SCHIP1: variants seen among roughly 807,000 people sequenced by gnomAD.
SCHIP1 encodes the protein schwannomin interacting protein 1, also known as schwannomin-interacting protein 1.
A neutral mutation model predicts 29.7 loss-of-function variants in SCHIP1; 8 were observed. The observed-to-expected ratio is 0.27, with a 90% confidence interval of 0.16 to 0.49. The LOEUF is 0.49. SCHIP1 is among the 20% of genes least tolerant of loss of function. The probability of loss-of-function intolerance (pLI) is 0.99; values close to 1 mark genes in which losing one functional copy is unlikely to be tolerated. For missense variants in SCHIP1, 193 were observed against 294.6 expected (o/e 0.66, Z 2.52); for synonymous variants, 76 against 94.9 (o/e 0.80, Z 1.16).
chr3:159,500,574 T>C, the SCHIP1 span, among the ~76,000 whole-genome samples: 1 of 151,730 alleles, frequency 6.6e-6, no homozygotes, highest in Non-Finnish European at 1.5e-5. Flanking sequence ...ATTAGCTGGG[T>C]GTGGTGGCGG....
At chr3:159,805,808 C>CTT in the SCHIP1 span, among the ~76,000 whole-genome samples, 312 of 139,162 alleles carry the variant, frequency 2.2e-3, 3 homozygotes, top group African/African-American at 6.9e-3. Context: ...AATTGTACTC[C>CTT]TTTTTTTTTT....
At chr3:159,505,866 T>G in the SCHIP1 span, among the ~76,000 whole-genome samples, 347 of 152,362 alleles carry the variant, frequency 2.3e-3, no homozygotes, top group Non-Finnish European at 3.5e-3. Context: ...TAATCCAGTC[T>G]ATCATTGTTG....
At chr3:159,597,344 A>C in the SCHIP1 span, among the ~76,000 whole-genome samples, 1 of 152,152 alleles carries the variant, frequency 6.6e-6, no homozygotes, top group Non-Finnish European at 1.5e-5. Flanking sequence ...TTTGTTAAGT[A>C]TAGTCACCCT....
At chr3:159,626,179 TCTAGATAG>T in the SCHIP1 span, among the ~76,000 whole-genome samples, 1,472 of 106,888 alleles carry the variant, frequency 0.014, 142 homozygotes, top group African/African-American at 0.068. Flanking sequence ...TATCTATCTA[TCTAGATAG>T]ATAGATAGAT....
chr3:159,862,380 C>T (rs114970515), intron 1 of SCHIP1, among the ~76,000 whole-genome samples: 1,597 of 152,304 alleles, frequency 0.01, 16 homozygotes, highest in Middle Eastern at 0.054. Flanking sequence ...CCCTCAGTTT[C>T]CTCATATTCA....
chr3:159,323,761 C>A, the SCHIP1 span, among the ~76,000 whole-genome samples: 2 of 152,110 alleles, frequency 1.3e-5, no homozygotes, highest in African/African-American at 4.8e-5. Context: ...CAAAGGCTGG[C>A]AGAGGAAAAG....
At chr3:159,483,822 T>C in the SCHIP1 span, among the ~76,000 whole-genome samples, 1 of 152,318 alleles carries the variant, frequency 6.6e-6, no homozygotes, top group South Asian at 2.1e-4. Context: ...TGCAGTGTTC[T>C]GGCACAATGT....
the SCHIP1 span, among the ~76,000 whole-genome samples, chr3:159,494,435 C>A: frequency 1.3e-5 from 2 of 152,072 alleles, no homozygotes; most frequent in African/African-American, 4.8e-5. Context: ...ACCACCGATC[C>A]CACAGAAATA....
the SCHIP1 span, among the ~76,000 whole-genome samples, chr3:159,626,305 T>C: frequency 6.7e-6 from 1 of 150,090 alleles, no homozygotes; most frequent in Admixed American, 6.6e-5. Context: ...GATAGATTTT[T>C]TTTTACCTTA....
upstream of SCHIP1, among the ~76,000 whole-genome samples, chr3:159,838,851 G>T (rs1395466594): frequency 1.4e-5 from 2 of 144,422 alleles, no homozygotes; most frequent in Admixed American, 7.2e-5. Flanking sequence ...CTCAGATCTC[G>T]CCACTCGCCA....
the SCHIP1 span, among the ~76,000 whole-genome samples, chr3:159,775,151 T>C: frequency 2.0e-5 from 3 of 152,220 alleles, no homozygotes; most frequent in Admixed American, 1.3e-4. Context: ...TTATTGCCCA[T>C]GTCTGAGATG....
chr3:159,744,503 T>C, the SCHIP1 span, among the ~76,000 whole-genome samples: 7 of 152,224 alleles, frequency 4.6e-5, no homozygotes, highest in Non-Finnish European at 1.0e-4. Context: ...TATCTATAAA[T>C]TACATTTCAG....
the SCHIP1 span, among the ~76,000 whole-genome samples, chr3:159,323,807 G>C: frequency 7.9e-5 from 12 of 152,314 alleles, no homozygotes; most frequent in East Asian, 1.7e-3. Flanking sequence ...AAGGCTTCAG[G>C]TATAAAGGCT....
At chr3:159,765,263 G>C in the SCHIP1 span, 1 of 1,168,304 alleles carries the variant, frequency 8.6e-7, no homozygotes, top group South Asian at 1.6e-5. Context: ...CGAGGGTGGG[G>C]GCCAGGCCAG....
the SCHIP1 span, among the ~76,000 whole-genome samples, chr3:159,514,854 G>C: frequency 5.9e-5 from 9 of 152,060 alleles, no homozygotes; most frequent in African/African-American, 1.9e-4. Context: ...TTCCAAAACA[G>C]ATCTGCCCAC....
the SCHIP1 span, among the ~76,000 whole-genome samples, chr3:159,415,892 G>A: frequency 6.6e-6 from 1 of 152,164 alleles, no homozygotes; most frequent in Non-Finnish European, 1.5e-5. Flanking sequence ...TAACAAAAAT[G>A]TTATAGAAAA....
the SCHIP1 span, among the ~76,000 whole-genome samples, chr3:159,277,616 G>A: frequency 6.9e-6 from 1 of 144,304 alleles, no homozygotes; most frequent in Admixed American, 6.9e-5. Context: ...AAGATTTATG[G>A]AGAAATTAAA....
At chr3:159,540,183 G>A in the SCHIP1 span, among the ~76,000 whole-genome samples, 1 of 151,922 alleles carries the variant, frequency 6.6e-6, no homozygotes, top group African/African-American at 2.4e-5. Flanking sequence ...TCATCAAAGA[G>A]GGAAAGAGGC....
At chr3:159,680,551 T>TAA in the SCHIP1 span, among the ~76,000 whole-genome samples, 373 of 116,798 alleles carry the variant, frequency 3.2e-3, no homozygotes, top group Admixed American at 5.0e-3. Flanking sequence ...TGTATATATA[T>TAA]AATATATATA....
Sources: gnomAD v4.1 joint callset for allele counts (sites outside exome capture counted in the v4.1 genomes callset) on GRCh38, gnomAD v4.1.1 for gene constraint, MANE v1.5 for transcripts, NCBI Gene and HGNC (gene_info 2026-07-23, HGNC 2026-07-21) for gene names.